PTBP2: variants seen among roughly 807,000 people sequenced by gnomAD.
PTBP2 encodes the protein polypyrimidine tract-binding protein 2.
In PTBP2, 13 loss-of-function variants were observed where a neutral mutation model predicts 61.4. The ratio of observed to expected loss-of-function variants is 0.21; its 90% CI spans 0.14 to 0.34. The LOEUF (loss-of-function observed/expected upper bound fraction) is 0.34. Among genes scored for constraint, PTBP2 ranks in the 10% least tolerant of loss-of-function variants. PTBP2 has a pLI of 1.00. For synonymous variants in PTBP2, 215 were observed against 218.5 expected (o/e 0.98, Z 0.14); for missense variants, 405 against 642.6 (o/e 0.63, Z 4.00).
At chr1:96,723,220 T>C (rs1201258336) in intron 1 of PTBP2, among the ~76,000 whole-genome samples, 2 of 152,212 alleles carry the variant, frequency 1.3e-5, no homozygotes, top group Non-Finnish European at 2.9e-5. Context: ...TCCTGATTCC[T>C]GGTTCCTGTG....
intron 8 of PTBP2, among the ~76,000 whole-genome samples, chr1:96,793,706 A>G (rs1301975726): frequency 6.6e-6 from 1 of 152,146 alleles, no homozygotes; most frequent in Non-Finnish European, 1.5e-5. Flanking sequence ...TAAAATTTTT[A>G]TTTTTGAGTC....
intron 3 of PTBP2, among the ~76,000 whole-genome samples, chr1:96,759,457 A>G (rs998599891): frequency 1.3e-5 from 2 of 152,212 alleles, no homozygotes; most frequent in African/African-American, 4.8e-5. Flanking sequence ...CAGTGAAGAA[A>G]GAGAAGGCCT....
intron 7 of PTBP2, among the ~76,000 whole-genome samples, chr1:96,779,907 C>T (rs1658461250): frequency 6.6e-6 from 1 of 152,046 alleles, no homozygotes; most frequent in Non-Finnish European, 1.5e-5. Context: ...TTAAATCCAT[C>T]AACGTCAACT....
intron 11 of PTBP2, among the ~76,000 whole-genome samples, chr1:96,811,168 G>C (rs1020544625): frequency 2.0e-5 from 3 of 151,462 alleles, no homozygotes; most frequent in African/African-American, 7.3e-5. Context: ...TTTTACTTTT[G>C]TTTCTTTTCT....
chr1:96,777,712 A>G lies in PTBP2; in HGVS notation c.560A>G (p.Asn187Ser). Residue 187 changes from asparagine (N) to serine (S), a missense_variant, in exon 6 of 14, where the codon AAC becomes AGC. This residue lies in a region of PTBP2 where 342 missense variants were observed against 491.2 expected (regional missense o/e 0.70). Transcript: ENST00000674951. The part of the protein sequence containing the change: ...QSPVLRIIID[N>S]MYYPVTLDVL... The stretch of plus-strand genomic sequence containing the variant: ...CCAGTACTTAGAATAATTATTGACA[A>G]CATGTACTACCCTGTAACACTTGAT... 6.2e-7 allele frequency: 1 copy of G among 1,612,152 alleles called. No homozygotes were observed. The highest frequency in any genetic ancestry group is 8.5e-7 in the Non-Finnish European group (1 of 1,178,808).
intron 2 of PTBP2, among the ~76,000 whole-genome samples, chr1:96,747,490 A>C (rs902350590): frequency 6.6e-6 from 1 of 152,204 alleles, no homozygotes; most frequent in Middle Eastern, 3.4e-3. Flanking sequence ...TCAGAAAATT[A>C]TTTTTGTGTA....
intron 2 of PTBP2, among the ~76,000 whole-genome samples, chr1:96,736,631 T>C (rs1355798931): frequency 1.3e-5 from 2 of 152,302 alleles, no homozygotes; most frequent in Non-Finnish European, 2.9e-5. Flanking sequence ...GCGGATAATA[T>C]TTTGGTATTT....
At chr1:96,737,632 A>C (rs531173188) in intron 2 of PTBP2, among the ~76,000 whole-genome samples, 1 of 152,228 alleles carries the variant, frequency 6.6e-6, no homozygotes, top group African/African-American at 2.4e-5. Context: ...AAAACAAGTA[A>C]TGATGAGGAA....
intron 2 of PTBP2, among the ~76,000 whole-genome samples, chr1:96,744,861 C>T (rs1435878557): frequency 6.6e-6 from 1 of 151,972 alleles, no homozygotes; most frequent in African/African-American, 2.4e-5. Flanking sequence ...ATAACATGCC[C>T]GGTTTTACTT....
At chr1:96,823,453 A>G (rs959556679) in exon 14 of PTBP2, 1 of 152,236 alleles carries the variant, frequency 6.6e-6, no homozygotes, top group Non-Finnish European at 1.5e-5. Flanking sequence ...AGAAAGAATT[A>G]ATGTAGATAA....
At chr1:96,728,844 T>A (rs568329137) in intron 2 of PTBP2, among the ~76,000 whole-genome samples, 21 of 151,946 alleles carry the variant, frequency 1.4e-4, no homozygotes, top group African/African-American at 4.8e-4. Context: ...GTGCACACGT[T>A]TTGTGCATTG....
intron 8 of PTBP2, among the ~76,000 whole-genome samples, chr1:96,794,528 C>T (rs1557762687): frequency 6.6e-6 from 1 of 152,184 alleles, no homozygotes. Context: ...TTGCCATGAA[C>T]ATTTCATAGC....
chr1:96,793,353 A>T (rs1442543030), intron 8 of PTBP2, among the ~76,000 whole-genome samples: 1 of 152,160 alleles, frequency 6.6e-6, no homozygotes, highest in African/African-American at 2.4e-5. Flanking sequence ...TTGTTCATTT[A>T]AATTGTTTAT....
intron 8 of PTBP2, among the ~76,000 whole-genome samples, chr1:96,785,788 T>G (rs1659146315): frequency 6.6e-6 from 1 of 152,216 alleles, no homozygotes; most frequent in African/African-American, 2.4e-5. Flanking sequence ...TTCTGTAAAA[T>G]TAATTTTGCT....
intron 2 of PTBP2, among the ~76,000 whole-genome samples, chr1:96,726,027 A>G (rs1239003564): frequency 7.6e-6 from 1 of 130,988 alleles, no homozygotes; most frequent in Admixed American, 8.9e-5. Flanking sequence ...GTAAGCGGAG[A>G]TTGCACCACT....
At chr1:96,726,995 G>A (rs12087375) in intron 2 of PTBP2, among the ~76,000 whole-genome samples, 44,373 of 152,048 alleles carry the variant, frequency 0.29, 7,210 homozygotes, top group East Asian at 0.44. Flanking sequence ...TGAAACCACT[G>A]CAATCAAGAT....
chr1:96,732,069 TAATA>T (rs759071544), intron 2 of PTBP2, among the ~76,000 whole-genome samples: 24 of 152,194 alleles, frequency 1.6e-4, no homozygotes, highest in Non-Finnish European at 3.1e-4. Context: ...ACTGGACAAC[TAATA>T]AATAACCTGT....
intron 7 of PTBP2, among the ~76,000 whole-genome samples, chr1:96,778,167 CTTTT>C (rs371248551): frequency 8.0e-6 from 1 of 125,292 alleles, no homozygotes; most frequent in Non-Finnish European, 1.7e-5. Context: ...TATTATTTTA[CTTTT>C]TTTTTTTTTT....
At chr1:96,723,824 G>A (rs1159958175) in intron 2 of PTBP2, among the ~76,000 whole-genome samples, 2 of 152,134 alleles carry the variant, frequency 1.3e-5, no homozygotes, top group Non-Finnish European at 2.9e-5. Flanking sequence ...GAATGATCAA[G>A]AAATTGAAAA....
Sources: gnomAD v4.1 joint callset for allele counts (sites outside exome capture counted in the v4.1 genomes callset) on GRCh38, gnomAD v4.1.1 for gene constraint, gnomAD v4.1.1 regional missense constraint, MANE v1.5 for transcripts, NCBI Gene and HGNC (gene_info 2026-07-23, HGNC 2026-07-21) for gene names.